The following SIK3 variants were observed in gnomAD, a reference collection of about 807,000 sequenced individuals.
SIK3 encodes the protein serine/threonine-protein kinase SIK3.
A neutral mutation model predicts 144.2 loss-of-function variants in SIK3; 28 were observed. That is an observed-to-expected ratio of 0.19 (90% confidence interval 0.14 to 0.27). The LOEUF (loss-of-function observed/expected upper bound fraction) is 0.27, where lower values mean the gene tolerates loss of function less well. Among genes scored for constraint, SIK3 ranks in the 10% least tolerant of loss-of-function variants. The pLI is 1.00. For missense variants in SIK3, 1,319 were observed against 1,776.0 expected, an observed-to-expected ratio of 0.74 and a Z score of 4.62; for synonymous variants, 686 against 676.3, an observed-to-expected ratio of 1.01 and a Z score of -0.22.
At chr11:116,904,358 G>T (rs1356688249) in intron 4 of SIK3, among the ~76,000 whole-genome samples, 1 of 152,044 alleles carries the variant, frequency 6.6e-6, no homozygotes, top group African/African-American at 2.4e-5. Flanking sequence ...GGTTTGTAGG[G>T]GCATATGGCA....
intron 4 of SIK3, among the ~76,000 whole-genome samples, chr11:116,926,416 T>C (rs1947277032): frequency 6.6e-6 from 1 of 152,224 alleles, no homozygotes; most frequent in Non-Finnish European, 1.5e-5. Context: ...CTCAAGGCAC[T>C]GTCAGATAAG....
intron 1 of SIK3, among the ~76,000 whole-genome samples, chr11:117,044,855 C>T (rs966480229): frequency 6.6e-6 from 1 of 152,134 alleles, no homozygotes; most frequent in Admixed American, 6.6e-5. Context: ...TGCACTCCAG[C>T]CTGGGCAACA....
intron 1 of SIK3, among the ~76,000 whole-genome samples, chr11:117,005,536 A>G (rs568166265): frequency 6.6e-6 from 1 of 152,190 alleles, no homozygotes; most frequent in South Asian, 2.1e-4. Flanking sequence ...CTCAGTAGAG[A>G]TCAATGCACA....
intron 1 of SIK3, among the ~76,000 whole-genome samples, chr11:117,022,755 C>A (rs748198128): frequency 1.3e-5 from 2 of 151,560 alleles, no homozygotes; most frequent in Admixed American, 6.6e-5. Context: ...TATAACCACA[C>A]GGCCTAAATT....
chr11:116,980,156 T>C (rs924021469), intron 1 of SIK3, among the ~76,000 whole-genome samples: 1 of 152,186 alleles, frequency 6.6e-6, no homozygotes, highest in African/African-American at 2.4e-5. Flanking sequence ...TATTACTAAG[T>C]CAAAAATGCA....
chr11:116,967,415 A>G (rs979602439), intron 1 of SIK3, among the ~76,000 whole-genome samples: 2 of 152,232 alleles, frequency 1.3e-5, no homozygotes, highest in African/African-American at 4.8e-5. Flanking sequence ...TAACCTTACA[A>G]TGGTAGTGCT....
intron 4 of SIK3, among the ~76,000 whole-genome samples, chr11:116,916,334 C>G (rs1946629784): frequency 6.6e-6 from 1 of 152,146 alleles, no homozygotes; most frequent in Admixed American, 6.5e-5. Context: ...TATACTCACT[C>G]TCTTATGATT....
At chr11:117,027,954 C>T (rs1014359740) in intron 1 of SIK3, among the ~76,000 whole-genome samples, 1 of 152,176 alleles carries the variant, frequency 6.6e-6, no homozygotes, top group African/African-American at 2.4e-5. Context: ...CCTCTCACTT[C>T]GTTCAAGACA....
chr11:116,869,647 G>C (rs1203953569), intron 14 of SIK3: 3 of 152,334 alleles, frequency 2.0e-5, no homozygotes, highest in African/African-American at 7.2e-5. Flanking sequence ...CGGATAATAA[G>C]AAAATCAACT....
chr11:116,943,109 C>T (rs780407564), intron 3 of SIK3, among the ~76,000 whole-genome samples: 3 of 151,716 alleles, frequency 2.0e-5, no homozygotes, highest in Non-Finnish European at 4.4e-5. Context: ...TCAATCAAGC[C>T]CCTTGGAAAA....
chr11:117,092,516 T>C (rs1453349128), intron 1 of SIK3, among the ~76,000 whole-genome samples: 1 of 152,218 alleles, frequency 6.6e-6, no homozygotes, highest in Non-Finnish European at 1.5e-5. Flanking sequence ...CATTCCTATA[T>C]GAAATTTTTA....
At chr11:116,896,894 G>C (rs1945432567) in intron 5 of SIK3, among the ~76,000 whole-genome samples, 1 of 152,086 alleles carries the variant, frequency 6.6e-6, no homozygotes, top group South Asian at 2.1e-4. Context: ...AAGTGTGGTG[G>C]CTTGTGCCTG....
chr11:116,866,308 GGAA>G (rs1488967289), intron 15 of SIK3, among the ~76,000 whole-genome samples: 4 of 152,256 alleles, frequency 2.6e-5, no homozygotes, highest in African/African-American at 7.2e-5. Context: ...GTGGAGGAAG[GGAA>G]GAAGGAGACA....
chr11:116,861,677 T>C (rs191570036), intron 18 of SIK3, among the ~76,000 whole-genome samples, 164 bp downstream of exon 18: 75 of 152,286 alleles, frequency 4.9e-4, no homozygotes, highest in African/African-American at 1.6e-3. Flanking sequence ...GCACAGGAAG[T>C]TGGGATTTCA....
At chr11:116,876,892 G>C in intron 7 of SIK3, 32 bp downstream of exon 7, 1 of 1,562,888 alleles carries the variant, frequency 6.4e-7, no homozygotes, top group Non-Finnish European at 8.8e-7. Context: ...AGCTTTCAGA[G>C]GAGTCCCCTG....
intron 1 of SIK3, among the ~76,000 whole-genome samples, chr11:117,017,390 T>C (rs547821202): frequency 1.3e-5 from 2 of 152,360 alleles, no homozygotes; most frequent in South Asian, 2.1e-4. Flanking sequence ...GTGTTGTATA[T>C]AGGAGTATTT....
intron 1 of SIK3, among the ~76,000 whole-genome samples, chr11:117,071,335 G>A (rs1370335302): frequency 2.6e-5 from 4 of 151,954 alleles, no homozygotes; most frequent in African/African-American, 9.7e-5. Flanking sequence ...AGTAGCATAG[G>A]TCAAAGGGAT....
chr11:117,004,342 C>A (rs2135633121), intron 1 of SIK3, among the ~76,000 whole-genome samples: 1 of 152,166 alleles, frequency 6.6e-6, no homozygotes, highest in African/African-American at 2.4e-5. Flanking sequence ...TGGTGAAACC[C>A]CATCTCTACA....
chr11:116,895,595 T>A (rs937944457), intron 6 of SIK3, among the ~76,000 whole-genome samples: 1 of 130,468 alleles, frequency 7.7e-6, no homozygotes, highest in African/African-American at 3.0e-5. Flanking sequence ...CTTTTTGCGT[T>A]CTCTAAAATG....
Sources: gnomAD v4.1 joint callset for allele counts (sites outside exome capture counted in the v4.1 genomes callset) on GRCh38, gnomAD v4.1.1 for gene constraint, MANE v1.5 for transcripts, NCBI Gene and HGNC (gene_info 2026-07-23, HGNC 2026-07-21) for gene names.